DGKB: variants seen among roughly 807,000 people sequenced by gnomAD.
DGKB encodes the protein diacylglycerol kinase beta.
A neutral mutation model predicts 114.3 loss-of-function variants in DGKB; 67 were observed. The observed-to-expected ratio is 0.59, with a 90% CI of 0.48 to 0.72. The LOEUF (loss-of-function observed/expected upper bound fraction) is 0.72. Ranked by LOEUF, DGKB falls within the 30% of genes least tolerant of loss-of-function variation. The pLI, the probability that DGKB is intolerant of heterozygous loss-of-function variation, is 0.00. For synonymous variants in DGKB, 398 were observed against 323.1 expected, an observed-to-expected ratio of 1.23 and a Z score of -2.49; for missense variants, 907 against 975.2, an observed-to-expected ratio of 0.93 and a Z score of 0.93.
At chr7:14,376,441 C>T (rs1427349995) in intron 21 of DGKB, among the ~76,000 whole-genome samples, 1 of 152,140 alleles carries the variant, frequency 6.6e-6, no homozygotes, top group South Asian at 2.1e-4. Context: ...ACAAAAATAA[C>T]CTTACATCAG....
chr7:14,690,457 CT>C (rs1822630168), intron 9 of DGKB, among the ~76,000 whole-genome samples: 2 of 152,204 alleles, frequency 1.3e-5, no homozygotes, highest in Admixed American at 1.3e-4. Flanking sequence ...AGATTCCTTT[CT>C]TCCAAATGAA....
chr7:14,491,940 A>G (rs1348985695), intron 20 of DGKB, among the ~76,000 whole-genome samples: 1 of 152,052 alleles, frequency 6.6e-6, no homozygotes, highest in Non-Finnish European at 1.5e-5. Context: ...AAAATATCTC[A>G]TACCTCAGTG....
At chr7:14,606,644 C>T (rs1023386364) in intron 17 of DGKB, among the ~76,000 whole-genome samples, 1 of 151,096 alleles carries the variant, frequency 6.6e-6, no homozygotes, top group Non-Finnish European at 1.5e-5. Context: ...GAGCTTCTGT[C>T]CACTTCATGT....
At chr7:14,339,412 G>C (rs1365487920) in intron 22 of DGKB, among the ~76,000 whole-genome samples, 1 of 151,734 alleles carries the variant, frequency 6.6e-6, no homozygotes, top group Admixed American at 6.6e-5. Context: ...AATCCAGCAT[G>C]ACTTTATAGC....
intron 23 of DGKB, among the ~76,000 whole-genome samples, chr7:14,267,575 A>C (rs1256249943): frequency 6.7e-6 from 1 of 149,646 alleles, no homozygotes; most frequent in East Asian, 2.0e-4. Context: ...TGCAAGCTCC[A>C]CCTCCTGGGT....
chr7:14,971,425 G>A (rs1285983458), intron 1 of DGKB, among the ~76,000 whole-genome samples: 1 of 152,096 alleles, frequency 6.6e-6, no homozygotes, highest in Non-Finnish European at 1.5e-5. Context: ...ATTCTTGGCG[G>A]AAAACTCTAG....
intron 23 of DGKB, among the ~76,000 whole-genome samples, chr7:14,285,229 T>C (rs1200869640): frequency 6.6e-6 from 1 of 152,148 alleles, no homozygotes; most frequent in African/African-American, 2.4e-5. Context: ...GCTCCTAAAA[T>C]ATACTGCCAT....
At chr7:14,702,596 G>A (rs951678678) in intron 6 of DGKB, among the ~76,000 whole-genome samples, 1 of 152,130 alleles carries the variant, frequency 6.6e-6, no homozygotes, top group Non-Finnish European at 1.5e-5. Context: ...GGCCACAGGT[G>A]CCATTTTGAG....
intron 23 of DGKB, among the ~76,000 whole-genome samples, chr7:14,318,439 AG>A (rs1222014396): frequency 6.6e-6 from 1 of 152,252 alleles, no homozygotes; most frequent in Non-Finnish European, 1.5e-5. Flanking sequence ...CAAATTTACA[AG>A]AAAAAAACAA....
rs574080774 is a variant in DGKB at position 14,239,865 on chromosome 7, A to T, written c.2123-61714T>A. The stretch of plus-strand genomic sequence containing the variant: ...CTTATTAAGACTCTATCTATCTATT[A>T]TCAAGGGATTGAAGTTTAGCTGGGA... On this transcript the variant is annotated intron_variant, in intron 23 of 25. Transcript: ENST00000402815. Among the ~76,000 whole-genome samples, 6 of 152,218 alleles carry T rather than the reference A, an allele frequency of 3.9e-5. No homozygotes were observed. The East Asian group carries it at 1.2e-3, about 29-fold the overall frequency.
At chr7:14,287,374 G>A (rs906822221) in intron 23 of DGKB, among the ~76,000 whole-genome samples, 9 of 151,850 alleles carry the variant, frequency 5.9e-5, no homozygotes, top group African/African-American at 7.3e-5. Context: ...CAATGAAATC[G>A]GGTTTGTGAT....
intron 19 of DGKB, among the ~76,000 whole-genome samples, chr7:14,575,367 G>T (rs964395569): frequency 6.6e-6 from 1 of 152,094 alleles, no homozygotes; most frequent in African/African-American, 2.4e-5. Context: ...ATGAATATAT[G>T]ATAGACGGTC....
chr7:14,463,073 C>T (rs1405678368), intron 21 of DGKB, among the ~76,000 whole-genome samples: 1 of 152,138 alleles, frequency 6.6e-6, no homozygotes. Flanking sequence ...CTACCTTACA[C>T]TTTATACAAA....
chr7:14,183,882 C>T (rs1304212536), intron 23 of DGKB, among the ~76,000 whole-genome samples: 1 of 152,170 alleles, frequency 6.6e-6, no homozygotes, highest in African/African-American at 2.4e-5. Context: ...CAAGAACAAA[C>T]CAGCAATCTC....
intron 1 of DGKB, among the ~76,000 whole-genome samples, chr7:14,917,902 C>A (rs1338200403): frequency 6.6e-6 from 1 of 152,012 alleles, no homozygotes; most frequent in East Asian, 1.9e-4. Context: ...AAGAACTATA[C>A]ACCACCACCA....
intron 23 of DGKB, among the ~76,000 whole-genome samples, chr7:14,322,171 A>G (rs1276072242): frequency 3.3e-5 from 5 of 152,174 alleles, no homozygotes; most frequent in Non-Finnish European, 7.3e-5. Context: ...GAGCAGAGCC[A>G]TGCCCATTTA....
At chr7:14,332,661 G>T (rs1809938941) in intron 23 of DGKB, among the ~76,000 whole-genome samples, 1 of 152,070 alleles carries the variant, frequency 6.6e-6, no homozygotes, top group South Asian at 2.1e-4. Context: ...TTACCACAAA[G>T]AGAAGACAAC....
intron 2 of DGKB, among the ~76,000 whole-genome samples, chr7:14,804,487 A>G (rs1268552209): frequency 6.6e-6 from 1 of 152,044 alleles, no homozygotes; most frequent in Non-Finnish European, 1.5e-5. Context: ...TCATCCATCC[A>G]TCATTTGTCC....
chr7:14,490,202 A>G lies in DGKB; in HGVS notation c.1771-11977T>C, dbSNP rs571791912. On this transcript the variant is annotated intron_variant, in intron 20 of 25. Transcript: ENST00000402815. ...CAAAAATCAAGTTAAGGTAGCCAAA[A>G]CTTAAACCAGAATATATGTAACTAT... is the stretch of plus-strand genomic sequence containing the variant. Among the ~76,000 whole-genome samples the G allele has an allele frequency of 2.0e-5, 3 of 152,294 alleles. No individual in the cohort carries two copies. In the South Asian group the frequency reaches 6.2e-4, roughly 32 times the overall value.
Sources: gnomAD v4.1 joint callset for allele counts (sites outside exome capture counted in the v4.1 genomes callset) on GRCh38, gnomAD v4.1.1 for gene constraint, MANE v1.5 for transcripts, NCBI Gene and HGNC (gene_info 2026-07-23, HGNC 2026-07-21) for gene names.